The following SYNE1 variants were observed in gnomAD, a reference collection of about 807,000 sequenced individuals.
SYNE1 encodes the protein spectrin repeat containing nuclear envelope protein 1.
In SYNE1, 616 loss-of-function variants were observed where a neutral mutation model predicts 1,111.0. The ratio of observed to expected loss-of-function variants is 0.55; its 90% CI spans 0.52 to 0.59. The LOEUF (loss-of-function observed/expected upper bound fraction) is 0.59. SYNE1 is among the 20% of genes least tolerant of loss of function. SYNE1 has a pLI of 0.00. For synonymous variants in SYNE1, 3,855 were observed against 3,825.8 expected, an observed-to-expected ratio of 1.01 and a Z score of -0.28; for missense variants, 10,006 against 10,417.0, an observed-to-expected ratio of 0.96 and a Z score of 1.72.
At chr6:152,134,426 T>C (rs942645816) in intron 142 of SYNE1, 2 of 152,588 alleles carry the variant, frequency 1.3e-5, no homozygotes, top group African/African-American at 4.8e-5. Flanking sequence ...CCCAGCACTT[T>C]GGGAGGCTGA....
At position 152,401,187 on chromosome 6, in the gene SYNE1, A is replaced by G. The variant is rs754573453; in HGVS notation, c.6980T>C (p.Leu2327Ser). The G allele has an allele frequency of 5.6e-6, 9 of 1,614,160 alleles. No individual in the cohort carries two copies. The highest frequency in any genetic ancestry group is 7.6e-6 in the Non-Finnish European group (9 of 1,180,024). ...TTWFTKVEES[L>S]MNCAQNETCE... ...AGTCTCATTTTGGGCACAGTTCATCAACGATTCTTCCACTTTTGTGAACCA... is the reference window on the plus strand; with the variant it reads ...AGTCTCATTTTGGGCACAGTTCATCGACGATTCTTCCACTTTTGTGAACCA... The change falls in exon 47 of 146, where the codon TTG (leucine) becomes TCG (serine). Residue 2327 changes from leucine (L) to serine (S), a missense_variant. By Grantham distance (145) the Leu-to-Ser change is moderately radical (BLOSUM62 -2). Around this residue, in one of 7 missense-constraint regions of SYNE1, gnomAD observed 4,955 missense variants for 5,017.2 expected, o/e 0.99. Coordinates refer to ENST00000367255, the MANE Select transcript of SYNE1 (RefSeq NM_182961.4).
intron 14 of SYNE1, among the ~76,000 whole-genome samples, chr6:152,482,129 T>G (rs1413121414): frequency 1.3e-5 from 2 of 152,164 alleles, no homozygotes; most frequent in African/African-American, 4.8e-5. Context: ...TCTGGTTTGA[T>G]GAGCTTGTCT....
At chr6:152,533,143 T>G (rs2099213370) in intron 4 of SYNE1, among the ~76,000 whole-genome samples, 1 of 152,106 alleles carries the variant, frequency 6.6e-6, no homozygotes. Flanking sequence ...GTGTAGTAAT[T>G]TAAAAACTGT....
rs369587906 is a variant in SYNE1, at chr6:152,428,357, C to T, written c.4824G>A (p.Ala1608=). 4.1e-5 allele frequency: 66 copies of T among 1,613,964 alleles called. No homozygotes were observed. The African/African-American group carries it at 5.6e-4, about 14-fold the overall frequency. ...TGGCACTGGCTGAGAAGGCAGTGATCGCGCTGCTCAGTGACTCCAGGGCCT... is the reference window on the plus strand; with the variant it reads ...TGGCACTGGCTGAGAAGGCAGTGATTGCGCTGCTCAGTGACTCCAGGGCCT... The part of the protein sequence containing the change: ...LCQALESLSS[A]ITAFSASARK... Residue 1608 remains alanine (A), a synonymous_variant, in exon 37 of 146, where the codon GCG becomes GCA. Coordinates refer to ENST00000367255, the MANE Select transcript of SYNE1 (RefSeq NM_182961.4).
chr6:152,335,531 T>G (rs953990526), intron 76 of SYNE1: 3 of 152,126 alleles, frequency 2.0e-5, no homozygotes, highest in African/African-American at 7.2e-5. Context: ...AAAATAAATC[T>G]TATTATCCCG....
chr6:152,409,740 G>T, intron 42 of SYNE1, 31 bp from the exon 43 acceptor site: 1 of 1,611,190 alleles, frequency 6.2e-7, no homozygotes. Flanking sequence ...ATATTATTTG[G>T]TGTCATGTAT....
At chr6:152,151,047 A>C (rs900100880) in intron 135 of SYNE1, among the ~76,000 whole-genome samples, 3 of 152,056 alleles carry the variant, frequency 2.0e-5, no homozygotes, top group Non-Finnish European at 4.4e-5. Context: ...CCCCATCTTT[A>C]CTAAAAAAAT....
intron 127 of SYNE1, 143 bp downstream of exon 127, chr6:152,201,681 A>T (rs2075477967): frequency 8.5e-7 from 1 of 1,177,186 alleles, no homozygotes; most frequent in East Asian, 2.4e-5. Context: ...TACAAGTTTC[A>T]CCTGAGTTGC....
intron 144 of SYNE1, 62 bp downstream of exon 144, chr6:152,132,060 A>T (rs1017223520): frequency 2.0e-6 from 3 of 1,501,332 alleles, no homozygotes; most frequent in Non-Finnish European, 2.8e-6. Flanking sequence ...GTGGGTGCAA[A>T]TACTGTCACT....
intron 129 of SYNE1, among the ~76,000 whole-genome samples, chr6:152,176,879 G>T (rs934340102): frequency 6.6e-6 from 1 of 151,956 alleles, no homozygotes; most frequent in Non-Finnish European, 1.5e-5. Context: ...TTTAATATTG[G>T]AAAATTATAG....
chr6:152,436,876 T>C (rs969039986), intron 32 of SYNE1, among the ~76,000 whole-genome samples: 2 of 152,104 alleles, frequency 1.3e-5, no homozygotes, highest in African/African-American at 4.8e-5. Flanking sequence ...AGACTATCAA[T>C]GATCTTTGGC....
At chr6:152,442,391 G>A in intron 30 of SYNE1, 146 bp from the exon 31 acceptor site, 11 of 851,540 alleles carry the variant, frequency 1.3e-5, no homozygotes, top group Non-Finnish European at 2.1e-5. Flanking sequence ...AATGGTAGTC[G>A]GTTGCTATAT....
chr6:152,547,990 T>C (rs887939523), intron 3 of SYNE1, among the ~76,000 whole-genome samples: 1 of 152,182 alleles, frequency 6.6e-6, no homozygotes, highest in Non-Finnish European at 1.5e-5. Flanking sequence ...ACAACTTAAA[T>C]ATATGTAAGT....
Position 152,502,631 on chromosome 6 carries a change from A to T in SYNE1, c.888+2T>A, listed in dbSNP as rs754518742. On this transcript the variant is annotated splice_donor_variant, in intron 10 of 145. Coordinates refer to ENST00000367255, the MANE Select transcript of SYNE1 (RefSeq NM_182961.4). LOFTEE classifies it high-confidence loss of function. Reference sequence around the variant, plus strand: ...TGATACTTGAAGAAAGCAAATACCTACATCATCCTCTTGCCCATCAGTGCT... The same window carrying T: ...TGATACTTGAAGAAAGCAAATACCTTCATCATCCTCTTGCCCATCAGTGCT... The T allele has an allele frequency of 6.2e-7, 1 of 1,609,132 alleles. No individual in the cohort carries two copies. The highest frequency in any genetic ancestry group is 8.5e-7 in the Non-Finnish European group (1 of 1,175,558).
At chr6:152,228,033 A>C (rs1297671829) in intron 115 of SYNE1, among the ~76,000 whole-genome samples, 1 of 152,198 alleles carries the variant, frequency 6.6e-6, no homozygotes, top group Non-Finnish European at 1.5e-5. Context: ...CCTATAAAAG[A>C]CTGGGAAAAT....
chr6:152,199,537 A>G (rs896584836), intron 127 of SYNE1, among the ~76,000 whole-genome samples: 1 of 152,266 alleles, frequency 6.6e-6, no homozygotes, highest in African/African-American at 2.4e-5. Flanking sequence ...AAATTCATAT[A>G]GCAATATTTG....
intron 76 of SYNE1, chr6:152,336,499 G>A: frequency 6.0e-6 from 2 of 336,004 alleles, no homozygotes; most frequent in Non-Finnish European, 1.1e-5. Context: ...TCAGATATTA[G>A]TTAGATTATC....
chr6:152,343,475 T>A (rs548307588), intron 74 of SYNE1, among the ~76,000 whole-genome samples: 1 of 149,368 alleles, frequency 6.7e-6, no homozygotes, highest in African/African-American at 2.5e-5. Context: ...TCTTTCTTTT[T>A]TTTTTTTCTT....
At chr6:152,450,044 T>C (rs1032234591) in intron 27 of SYNE1, among the ~76,000 whole-genome samples, 1 of 152,162 alleles carries the variant, frequency 6.6e-6, no homozygotes, top group African/African-American at 2.4e-5. Flanking sequence ...TCATCTTGAA[T>C]TGTAGTTTCC....
Sources: allele counts gnomAD v4.1 joint callset (sites outside exome capture counted in the v4.1 genomes callset), GRCh38; gene constraint gnomAD v4.1.1; regional missense constraint gnomAD v4.1.1; transcripts MANE v1.5; gene names NCBI Gene and HGNC (gene_info 2026-07-23, HGNC 2026-07-21).